Variants in AKAP13 observed in about 807,000 individuals in gnomAD.
AKAP13 encodes A-kinase anchoring protein 13.
In AKAP13, 80 loss-of-function variants were observed where a neutral mutation model predicts 264.5. The ratio of observed to expected loss-of-function variants is 0.30; its 90% CI spans 0.25 to 0.36. AKAP13 has a LOEUF of 0.36. Ranked by LOEUF, AKAP13 falls within the 10% of genes least tolerant of loss-of-function variation. The pLI is 1.00. For synonymous variants in AKAP13, 1,380 were observed against 1,250.2 expected, an observed-to-expected ratio of 1.10 and a Z score of -2.19; for missense variants, 3,712 against 3,435.2, an observed-to-expected ratio of 1.08 and a Z score of -2.01.
chr15:85,684,709 T>TA (rs747852632), intron 15 of AKAP13, 32 bp from the exon 16 acceptor site: 59 of 1,586,816 alleles, frequency 3.7e-5, no homozygotes, highest in Admixed American at 5.3e-5. Context: ...TGTAGCCCTT[T>TA]AAAAAAAATC....
chr15:85,637,478 G>A (rs1447934240), intron 8 of AKAP13, among the ~76,000 whole-genome samples: 1 of 152,076 alleles, frequency 6.6e-6, no homozygotes, highest in Non-Finnish European at 1.5e-5. Context: ...GATCTGTAAT[G>A]GTGTCACTCT....
At chr15:85,662,878 C>G (rs1272633893) in intron 12 of AKAP13, among the ~76,000 whole-genome samples, 2 of 152,190 alleles carry the variant, frequency 1.3e-5, no homozygotes, top group African/African-American at 4.8e-5. Flanking sequence ...TCATATTCTT[C>G]TCTCAACTGA....
intron 8 of AKAP13, 81 bp from the exon 9 acceptor site, chr15:85,639,293 C>T: frequency 1.0e-6 from 1 of 963,156 alleles, no homozygotes; most frequent in Non-Finnish European, 1.6e-6. Context: ...GAATGTTGGT[C>T]AGTTGACATA....
intron 1 of AKAP13, among the ~76,000 whole-genome samples, chr15:85,401,073 G>A (rs1337681185): frequency 1.1e-4 from 16 of 151,838 alleles, no homozygotes. Flanking sequence ...TGTTCGTCAA[G>A]CTGATCTCAA....
chr15:85,407,193 CAGATGAG>C (rs1328710344), intron 1 of AKAP13, among the ~76,000 whole-genome samples: 2 of 150,026 alleles, frequency 1.3e-5, no homozygotes, highest in Non-Finnish European at 2.9e-5. Flanking sequence ...CTAAGGAACA[CAGATGAG>C]GGATGAGGGA....
At chr15:85,692,859 C>T (rs918411867) in intron 16 of AKAP13, among the ~76,000 whole-genome samples, 1 of 152,112 alleles carries the variant, frequency 6.6e-6, no homozygotes, top group Non-Finnish European at 1.5e-5. Flanking sequence ...CAGGCTGATC[C>T]CAGAATTGCT....
rs780574803 is a variant in AKAP13, at chr15:85,468,932, TAA to T, written c.-11-16777_-11-16776del. Among the ~76,000 whole-genome samples the T allele has an allele frequency of 7.3e-3, 991 of 135,590 alleles. 42 individuals carry two copies. The highest frequency in any genetic ancestry group is 8.6e-3 in the African/African-American group (287 of 33,294). 89.0% of individuals were successfully genotyped at this position (135,590 alleles called of 152,430 possible). On this transcript the variant is annotated intron_variant, in intron 1 of 36. Transcript: ENST00000394518. Reference sequence around the variant, plus strand: ...AGGTGTGTAAATTTTTTTTTTTTTTTAATCAGACTTTTGCTCTTGTCACCCAG... The same window carrying T: ...AGGTGTGTAAATTTTTTTTTTTTTTTTCAGACTTTTGCTCTTGTCACCCAG...
intron 17 of AKAP13, among the ~76,000 whole-genome samples, chr15:85,707,298 G>C (rs1441916224): frequency 6.6e-6 from 1 of 152,198 alleles, no homozygotes. Flanking sequence ...TGTAGGCCAA[G>C]GGAGTGAAAA....
intron 1 of AKAP13, among the ~76,000 whole-genome samples, chr15:85,453,955 G>C (rs1383265909): frequency 2.6e-5 from 4 of 152,204 alleles, no homozygotes; most frequent in Non-Finnish European, 2.9e-5. Context: ...TTCTGTTCTG[G>C]GTCAGCACAG....
intron 5 of AKAP13, among the ~76,000 whole-genome samples, chr15:85,553,240 C>G (rs976771646): frequency 3.3e-5 from 5 of 152,064 alleles, no homozygotes; most frequent in African/African-American, 1.2e-4. Context: ...GCACTCGCCA[C>G]CATGCCCAGC....
At chr15:85,418,627 C>T (rs1394612278) in intron 1 of AKAP13, among the ~76,000 whole-genome samples, 1 of 152,150 alleles carries the variant, frequency 6.6e-6, no homozygotes. Flanking sequence ...ATTATAGCCA[C>T]TAGTTTAATA....
chr15:85,416,626 T>G (rs1424006637), intron 1 of AKAP13, among the ~76,000 whole-genome samples: 1 of 152,176 alleles, frequency 6.6e-6, no homozygotes, highest in Non-Finnish European at 1.5e-5. Context: ...GCTGCATAAT[T>G]TGCTTTAACT....
At chr15:85,485,172 CAG>C (rs2075494484) in intron 1 of AKAP13, among the ~76,000 whole-genome samples, 1 of 152,164 alleles carries the variant, frequency 6.6e-6, no homozygotes, top group South Asian at 2.1e-4. Context: ...ACATAACAAT[CAG>C]GGAATCCAGC....
chr15:85,679,196 T>A (rs1220787870), intron 14 of AKAP13, among the ~76,000 whole-genome samples: 1 of 151,580 alleles, frequency 6.6e-6, no homozygotes, highest in Non-Finnish European at 1.5e-5. Context: ...GCCAAGATCA[T>A]GCCATTGCAC....
intron 1 of AKAP13, among the ~76,000 whole-genome samples, chr15:85,476,568 T>C (rs542845291): frequency 6.6e-6 from 1 of 152,376 alleles, no homozygotes; most frequent in East Asian, 1.9e-4. Flanking sequence ...TTTAATTTTA[T>C]GTATTCTCAT....
At position 85,682,816 on chromosome 15, in the gene AKAP13, C is replaced by T. The variant is rs536536712; in HGVS notation, c.5156+604C>T. The stretch of plus-strand genomic sequence containing the variant: ...CTGAGTGGCTGGGATGACAGGCATG[C>T]GCCACCATGCCCAGCTAATTTTGTA... On this transcript the variant is annotated intron_variant, in intron 15 of 36. Transcript: ENST00000394518. Among the ~76,000 whole-genome samples the T allele has an allele frequency of 1.5e-3, 231 of 152,210 alleles. 1 individual carries two copies. The highest frequency in any genetic ancestry group is 4.8e-3 in the African/African-American group (200 of 41,552).
rs182815283 is a variant in AKAP13, at chr15:85,572,668, A to T, written c.663-2463A>T. On this transcript the variant is annotated intron_variant, in intron 5 of 36. Coordinates refer to ENST00000394518, the MANE Select transcript of AKAP13 (RefSeq NM_007200.5). Reference sequence around the variant, plus strand: ...TTTTCCACTGTAGCATTAAAAAAAAAATTTTTTTTTTATTATTACACTGTA... The same window carrying T: ...TTTTCCACTGTAGCATTAAAAAAAATATTTTTTTTTTATTATTACACTGTA... 6.0e-3 allele frequency among the ~76,000 whole-genome samples: 914 copies of T among 151,810 alleles called. 6 individuals are homozygous for T. Among genetic ancestry groups the T allele is most frequent in the Non-Finnish European group, 0.01 (701 of 67,958 alleles).
At chr15:85,647,525 CTT>C (rs11352178) in intron 10 of AKAP13, among the ~76,000 whole-genome samples, 38 of 149,200 alleles carry the variant, frequency 2.5e-4, no homozygotes, top group Admixed American at 2.7e-4. Flanking sequence ...CCTTCCCTGA[CTT>C]TTTTTTTTTT....
chr15:85,524,618 C>T (rs2076953807), intron 3 of AKAP13, among the ~76,000 whole-genome samples: 1 of 152,104 alleles, frequency 6.6e-6, no homozygotes, highest in East Asian at 1.9e-4. Context: ...GATTAACCTT[C>T]AAAAGGCAGC....
Sources: gnomAD v4.1 joint callset for allele counts (sites outside exome capture counted in the v4.1 genomes callset) on GRCh38, gnomAD v4.1.1 for gene constraint, MANE v1.5 for transcripts, NCBI Gene and HGNC (gene_info 2026-07-23, HGNC 2026-07-21) for gene names.